The following KCNQ3 variants were observed in gnomAD, a reference collection of about 807,000 sequenced individuals.
KCNQ3 encodes potassium voltage-gated channel subfamily Q member 3.
A neutral mutation model predicts 92.5 loss-of-function variants in KCNQ3; 30 were observed. That is an observed-to-expected ratio of 0.32 (90% CI 0.24 to 0.44). The LOEUF (loss-of-function observed/expected upper bound fraction) is 0.44, where lower values mean the gene tolerates loss of function less well. Among genes scored for constraint, KCNQ3 ranks in the 20% least tolerant of loss-of-function variants. The pLI, the probability that KCNQ3 is intolerant of heterozygous loss-of-function variation, is 1.00. For missense variants in KCNQ3, 913 were observed against 1,140.3 expected (o/e 0.80, Z 2.87); for synonymous variants, 450 against 468.8 (o/e 0.96, Z 0.52).
rs547614586 is a variant in KCNQ3 at position 132,421,744 on chromosome 8, C to T, written c.386+58403G>A. Among the ~76,000 whole-genome samples the T allele has an allele frequency of 5.3e-5, 8 of 152,222 alleles. No individual in the cohort carries two copies. The South Asian group carries it at 8.3e-4, about 16-fold the overall frequency. ...ACATATGAAAGATCCTACCAGGATG[C>T]GAGACACTGGCCTAGATGAACCCTC... On this transcript the variant is annotated intron_variant, in intron 1 of 14. Coordinates refer to ENST00000388996, the MANE Select transcript of KCNQ3 (RefSeq NM_004519.4).
chr8:132,244,078 G>A (rs1404210770), intron 1 of KCNQ3, among the ~76,000 whole-genome samples: 3 of 152,088 alleles, frequency 2.0e-5, no homozygotes, highest in African/African-American at 7.2e-5. Flanking sequence ...GAGGCCCCTG[G>A]TCCTCCTACA....
intron 9 of KCNQ3, among the ~76,000 whole-genome samples, chr8:132,150,333 C>A (rs1195055088): frequency 6.6e-6 from 1 of 152,104 alleles, no homozygotes; most frequent in Admixed American, 6.5e-5. Flanking sequence ...GGCCTAGATT[C>A]AATCCTGGCC....
rs556764555 is a variant in KCNQ3, at chr8:132,178,517, C to T, written c.777+1640G>A. 8.5e-5 allele frequency among the ~76,000 whole-genome samples: 13 copies of T among 152,284 alleles called. No individual in the cohort carries two copies. The South Asian group carries it at 1.7e-3, about 19-fold the overall frequency. ...CCAGGCACTTAAATGCACATTTTCT[C>T]GCATGAGCACCCAGGAGGATTCACA... On this transcript the variant is annotated intron_variant, in intron 4 of 14. Coordinates refer to ENST00000388996, the MANE Select transcript of KCNQ3 (RefSeq NM_004519.4).
chr8:132,308,010 T>C (rs1202236423), intron 1 of KCNQ3, among the ~76,000 whole-genome samples: 1 of 152,166 alleles, frequency 6.6e-6, no homozygotes, highest in Non-Finnish European at 1.5e-5. Flanking sequence ...TTGCCTCCTG[T>C]CCCAGAAACA....
At chr8:132,154,969 T>G (rs1006224047) in intron 9 of KCNQ3, among the ~76,000 whole-genome samples, 55 of 152,292 alleles carry the variant, frequency 3.6e-4, no homozygotes, top group African/African-American at 1.3e-3. Context: ...AATTAGGACC[T>G]TAATTCTTTG....
chr8:132,188,757 C>T (rs188114844), intron 1 of KCNQ3, among the ~76,000 whole-genome samples: 6 of 152,282 alleles, frequency 3.9e-5, no homozygotes, highest in African/African-American at 1.4e-4. Flanking sequence ...GAAAACAGGA[C>T]AAATAATTAC....
chr8:132,152,006 T>A (rs368690673), intron 9 of KCNQ3, among the ~76,000 whole-genome samples: 7 of 152,248 alleles, frequency 4.6e-5, no homozygotes, highest in African/African-American at 1.7e-4. Context: ...TTGGATACCA[T>A]GAGATAATCA....
chr8:132,399,070 C>T (rs1221130582), intron 1 of KCNQ3, among the ~76,000 whole-genome samples: 3 of 152,206 alleles, frequency 2.0e-5, no homozygotes, highest in Non-Finnish European at 2.9e-5. Context: ...AGGAAGGCTT[C>T]TCCAGACCTT....
At chr8:132,209,653 C>T (rs1309439546) in intron 1 of KCNQ3, among the ~76,000 whole-genome samples, 1 of 151,836 alleles carries the variant, frequency 6.6e-6, no homozygotes, top group Non-Finnish European at 1.5e-5. Flanking sequence ...TCAGTAGAAG[C>T]CATTCAGTAC....
chr8:132,130,080 T>G (rs1824825475), intron 14 of KCNQ3, 84 bp from the exon 15 acceptor site: 1 of 1,375,796 alleles, frequency 7.3e-7, no homozygotes, highest in African/African-American at 1.8e-5. Context: ...TATTCTTTTT[T>G]TTTGTTTTTT....
chr8:132,133,168 C>A (rs774187120), intron 13 of KCNQ3, among the ~76,000 whole-genome samples: 5 of 152,062 alleles, frequency 3.3e-5, no homozygotes, highest in Non-Finnish European at 7.4e-5. Flanking sequence ...AGAGGATCTG[C>A]ATCCCTAAAA....
At position 132,224,081 on chromosome 8, in the gene KCNQ3, A is replaced by ATTTTTTTTTTTTTTTTTTTTTTT. The variant is rs1164773143; in HGVS notation, c.387-37923_387-37901dup. On this transcript the variant is annotated intron_variant, in intron 1 of 14. Transcript: ENST00000388996. ...CAGACACACACCATCATGCCAGGCT[A>ATTTTTTTTTTTTTTTTTTTTTTT]TTTTTTTTTTTTTTTTTTTTTTTTT... Among the ~76,000 whole-genome samples, 10 of 39,478 alleles carry ATTTTTTTTTTTTTTTTTTTTTTT rather than the reference A, an allele frequency of 2.5e-4. 1 individual carries two copies. The highest frequency in any genetic ancestry group is 3.6e-4 in the Non-Finnish European group (7 of 19,700). 25.9% of individuals were successfully genotyped at this position (39,478 alleles called of 152,430 possible).
intron 1 of KCNQ3, among the ~76,000 whole-genome samples, chr8:132,478,613 C>T (rs1372111682): frequency 6.7e-6 from 1 of 148,372 alleles, no homozygotes; most frequent in Non-Finnish European, 1.5e-5. Context: ...CAGACCCCGA[C>T]CAACACCTGC....
intron 1 of KCNQ3, among the ~76,000 whole-genome samples, chr8:132,281,228 C>T (rs1254965876): frequency 6.6e-6 from 1 of 152,148 alleles, no homozygotes; most frequent in Non-Finnish European, 1.5e-5. Context: ...ACCATGTGCC[C>T]TTCCTTTAGG....
chr8:132,473,747 T>C (rs1198303099), intron 1 of KCNQ3, among the ~76,000 whole-genome samples: 2 of 152,182 alleles, frequency 1.3e-5, no homozygotes, highest in Non-Finnish European at 2.9e-5. Context: ...CAAGCAAGTT[T>C]GGAGGCCCAA....
rs1824700883 is a variant in KCNQ3, at chr8:132,127,266, A to T, written c.*1996T>A. 1 of 152,120 alleles carries T rather than the reference A, an allele frequency of 6.6e-6. No homozygotes were observed. The highest frequency in any genetic ancestry group is 2.4e-5 in the African/African-American group (1 of 41,408). The allele number at this position is 152,120 out of a possible 1,614,324, so 9.4% of individuals were successfully genotyped here. ...AGCATTCTGGTATATTTCCCATCTC[A>T]GACTTCAAGGTCTACACCCATCCAT... On this transcript the variant is annotated 3_prime_UTR_variant, in exon 15 of 15. Coordinates refer to ENST00000388996, the MANE Select transcript of KCNQ3 (RefSeq NM_004519.4).
intron 1 of KCNQ3, among the ~76,000 whole-genome samples, chr8:132,302,525 G>A (rs1276677413): frequency 6.6e-6 from 1 of 152,202 alleles, no homozygotes; most frequent in Admixed American, 6.5e-5. Context: ...AAGGAATCTG[G>A]ACTTATTTCC....
chr8:132,389,348 T>C (rs991886195), intron 1 of KCNQ3, among the ~76,000 whole-genome samples: 6 of 152,156 alleles, frequency 3.9e-5, no homozygotes, highest in African/African-American at 1.4e-4. Context: ...TCCCAGATAC[T>C]TGGGAGGCTG....
intron 1 of KCNQ3, among the ~76,000 whole-genome samples, chr8:132,414,721 A>G (rs970397482): frequency 1.3e-5 from 2 of 152,238 alleles, no homozygotes; most frequent in African/African-American, 4.8e-5. Flanking sequence ...GGAGAAACAA[A>G]AGCGGAAGAA....
Sources: gnomAD v4.1 joint callset for allele counts (sites outside exome capture counted in the v4.1 genomes callset) on GRCh38, gnomAD v4.1.1 for gene constraint, MANE v1.5 for transcripts, NCBI Gene and HGNC (gene_info 2026-07-23, HGNC 2026-07-21) for gene names.